The following TTC17 variants were observed in gnomAD, a reference collection of about 807,000 sequenced individuals.
The protein encoded by TTC17 is tetratricopeptide repeat protein 17.
In TTC17, 58 loss-of-function variants were observed where a neutral mutation model predicts 143.8. The ratio of observed to expected loss-of-function variants is 0.40; its 90% CI spans 0.33 to 0.50. The LOEUF (loss-of-function observed/expected upper bound fraction) is 0.50. Among genes scored for constraint, TTC17 ranks in the 20% least tolerant of loss-of-function variants. TTC17 has a pLI of 0.49. For synonymous variants in TTC17, 501 were observed against 497.8 expected (o/e 1.01, Z -0.09); for missense variants, 1,273 against 1,392.5 (o/e 0.91, Z 1.37).
intron 10 of TTC17, 39 bp downstream of exon 10, chr11:43,401,597 G>A (rs1290213809): frequency 7.2e-7 from 1 of 1,383,764 alleles, no homozygotes; most frequent in African/African-American, 1.5e-5. Context: ...ATAAACGTTT[G>A]CTTTATAAAG....
chr11:43,362,149 TTGTGTG>T (rs3978779), intron 1 of TTC17, among the ~76,000 whole-genome samples: 20,661 of 137,962 alleles, frequency 0.15, 1,595 homozygotes, highest in Non-Finnish European at 0.18. Context: ...CCCGGCTAAT[TTGTGTG>T]TGTGTGTGTG....
chr11:43,483,251 A>C (rs1007330563), intron 21 of TTC17, among the ~76,000 whole-genome samples: 3 of 152,164 alleles, frequency 2.0e-5, no homozygotes, highest in Non-Finnish European at 4.4e-5. Context: ...TGAATTCTAC[A>C]AACTTTTGAG....
intron 15 of TTC17, among the ~76,000 whole-genome samples, chr11:43,409,596 C>T (rs1043982818): frequency 6.6e-6 from 1 of 152,136 alleles, no homozygotes; most frequent in Non-Finnish European, 1.5e-5. Context: ...GGAATTTCCC[C>T]TTTGATAGAT....
chr11:43,361,513 T>C (rs912667098), intron 1 of TTC17, among the ~76,000 whole-genome samples: 1 of 152,232 alleles, frequency 6.6e-6, no homozygotes, highest in African/African-American at 2.4e-5. Flanking sequence ...CAAAATCATC[T>C]AACAGCATCT....
chr11:43,447,807 T>C (rs751311200), intron 18 of TTC17, 195 bp from the exon 19 acceptor site: 4 of 572,788 alleles, frequency 7.0e-6, no homozygotes, highest in Non-Finnish European at 1.2e-5. Context: ...CTATCTTTAC[T>C]CAGAGATGAT....
intron 16 of TTC17, among the ~76,000 whole-genome samples, chr11:43,426,481 C>T (rs1817507): frequency 0.058 from 8,906 of 152,274 alleles, 285 homozygotes; most frequent in African/African-American, 0.093. Flanking sequence ...ATCTTAATTC[C>T]ATACCCTTGA....
chr11:43,373,617 G>A (rs919111027), intron 1 of TTC17, among the ~76,000 whole-genome samples: 16 of 152,044 alleles, frequency 1.1e-4, no homozygotes, highest in South Asian at 2.1e-4. Context: ...ACCACCACAC[G>A]CGGCCCTAAA....
intron 10 of TTC17, among the ~76,000 whole-genome samples, chr11:43,402,732 A>G (rs959669849): frequency 6.6e-6 from 1 of 152,178 alleles, no homozygotes; most frequent in African/African-American, 2.4e-5. Context: ...TCAAATCTGA[A>G]ATACTCCTGA....
At chr11:43,459,393 C>T (rs1364138049) in intron 21 of TTC17, among the ~76,000 whole-genome samples, 2 of 152,306 alleles carry the variant, frequency 1.3e-5, no homozygotes, top group South Asian at 2.1e-4. Context: ...TTTCCTTTTC[C>T]ATGAGAAATG....
chr11:43,402,453 C>A (rs559647302), intron 10 of TTC17, among the ~76,000 whole-genome samples: 1 of 152,042 alleles, frequency 6.6e-6, no homozygotes, highest in Admixed American at 6.6e-5. Context: ...CACACACATA[C>A]ACATATACAA....
At position 43,403,493 on chromosome 11, in the gene TTC17, C is replaced by T. The variant is rs143330096; in HGVS notation, c.1333-505C>T. 7.9e-5 allele frequency among the ~76,000 whole-genome samples: 12 copies of T among 152,278 alleles called. 1 individual carries two copies. The East Asian group carries it at 2.1e-3, about 27-fold the overall frequency. Reference sequence around the variant, plus strand: ...AAGGCTGTATATGTTTGTGTTCTCTCATCTAGGTTACCCTTTCACCCTCAA... The same window carrying T: ...AAGGCTGTATATGTTTGTGTTCTCTTATCTAGGTTACCCTTTCACCCTCAA... On this transcript the variant is annotated intron_variant, in intron 10 of 23. Coordinates refer to ENST00000039989, the MANE Select transcript of TTC17 (RefSeq NM_018259.6).
chr11:43,364,758 A>C (rs996561322), intron 1 of TTC17, among the ~76,000 whole-genome samples: 1 of 152,212 alleles, frequency 6.6e-6, no homozygotes, highest in Non-Finnish European at 1.5e-5. Context: ...ACAGAAATAA[A>C]TTAGAACTTT....
intron 20 of TTC17, among the ~76,000 whole-genome samples, 178 bp from the exon 21 acceptor site, chr11:43,451,004 G>A (rs1178049842): frequency 6.6e-6 from 1 of 152,058 alleles, no homozygotes; most frequent in Non-Finnish European, 1.5e-5. Flanking sequence ...GAGAGCTGAG[G>A]GGATGATAAA....
intron 16 of TTC17, among the ~76,000 whole-genome samples, chr11:43,427,680 TCAGA>T (rs1947061242): frequency 6.6e-6 from 1 of 152,204 alleles, no homozygotes; most frequent in African/African-American, 2.4e-5. Context: ...TAATGTGTAA[TCAGA>T]CAATTTAACT....
At chr11:43,445,619 G>C (rs959398746) in intron 18 of TTC17, among the ~76,000 whole-genome samples, 1 of 152,192 alleles carries the variant, frequency 6.6e-6, no homozygotes, top group African/African-American at 2.4e-5. Context: ...ATTCAAGTTG[G>C]TGGGCCCAAG....
chr11:43,359,984 T>G (rs1165666932), intron 1 of TTC17, among the ~76,000 whole-genome samples: 4 of 152,250 alleles, frequency 2.6e-5, no homozygotes, highest in African/African-American at 9.6e-5. Flanking sequence ...GTAAACTTAC[T>G]GACTTCGAAC....
intron 5 of TTC17, among the ~76,000 whole-genome samples, chr11:43,395,788 C>T (rs1857565471): frequency 6.6e-6 from 1 of 152,162 alleles, no homozygotes; most frequent in South Asian, 2.1e-4. Flanking sequence ...ATAATTGGTC[C>T]TTGTGAAAGA....
At chr11:43,407,114 T>G (rs376483738) in intron 13 of TTC17, 24 bp from the exon 14 acceptor site, 1 of 1,491,042 alleles carries the variant, frequency 6.7e-7, no homozygotes, top group Non-Finnish European at 9.1e-7. Flanking sequence ...TTCAATTGAG[T>G]CAGTCTTCCT....
intron 16 of TTC17, among the ~76,000 whole-genome samples, chr11:43,438,025 A>G (rs1170777369): frequency 1.3e-5 from 2 of 152,260 alleles, no homozygotes; most frequent in Non-Finnish European, 2.9e-5. Flanking sequence ...CTTTCTGATT[A>G]CTGGCTTGAA....
Sources: allele counts gnomAD v4.1 joint callset (sites outside exome capture counted in the v4.1 genomes callset), GRCh38; gene constraint gnomAD v4.1.1; transcripts MANE v1.5; gene names NCBI Gene and HGNC (gene_info 2026-07-23, HGNC 2026-07-21).